PTPN13: variants seen among roughly 807,000 people sequenced by gnomAD.
PTPN13 encodes protein tyrosine phosphatase non-receptor type 13, also known as tyrosine-protein phosphatase non-receptor type 13.
Under a neutral mutation model 284.0 loss-of-function variants are expected in PTPN13, and 191 were observed. The ratio of observed to expected loss-of-function variants is 0.67; its 90% confidence interval spans 0.60 to 0.76. The LOEUF is 0.76. Among genes scored for constraint, PTPN13 ranks in the 30% least tolerant of loss-of-function variants. PTPN13 has a pLI of 0.00. For missense variants in PTPN13, 2,797 were observed against 2,939.9 expected, an observed-to-expected ratio of 0.95 and a Z score of 1.12; for synonymous variants, 986 against 1,022.3, an observed-to-expected ratio of 0.96 and a Z score of 0.68.
At chr4:86,720,647 C>T (rs1733551115) in intron 9 of PTPN13, among the ~76,000 whole-genome samples, 1 of 152,144 alleles carries the variant, frequency 6.6e-6, no homozygotes, top group Admixed American at 6.5e-5. Flanking sequence ...GATAATATCC[C>T]TAACATGCTG....
intron 2 of PTPN13, among the ~76,000 whole-genome samples, chr4:86,636,393 ATT>A (rs200526691): frequency 0.15 from 23,434 of 152,058 alleles, 2,269 homozygotes; most frequent in East Asian, 0.29. Flanking sequence ...GTTGTTTGCC[ATT>A]CATAGCACCT....
intron 2 of PTPN13, among the ~76,000 whole-genome samples, chr4:86,641,258 G>A (rs1723747864): frequency 6.6e-6 from 1 of 152,070 alleles, no homozygotes; most frequent in Admixed American, 6.5e-5. Flanking sequence ...GTGGCGGGGG[G>A]AAAATAGCAG....
intron 1 of PTPN13, among the ~76,000 whole-genome samples, chr4:86,624,944 A>G (rs185311585): frequency 1.7e-4 from 26 of 152,290 alleles, no homozygotes; most frequent in Admixed American, 5.2e-4. Context: ...CTTTGAGGGT[A>G]TATATAAGCA....
chr4:86,663,639 T>G lies in PTPN13; in HGVS notation c.116-8726T>G, dbSNP rs142157400. Reference sequence around the variant, plus strand: ...GCATGTTCTGAACCCCATCAGTGGATAAGGCAATTTATTTCTAAATGTCAG... The same window carrying G: ...GCATGTTCTGAACCCCATCAGTGGAGAAGGCAATTTATTTCTAAATGTCAG... On this transcript the variant is annotated intron_variant, in intron 2 of 47. Transcript: ENST00000411767. Among the ~76,000 whole-genome samples the G allele has an allele frequency of 5.2e-3, 794 of 152,330 alleles. 6 individuals carry two copies. The highest frequency in any genetic ancestry group is 0.018 in the African/African-American group (757 of 41,574).
intron 2 of PTPN13, among the ~76,000 whole-genome samples, chr4:86,648,772 A>G (rs1724735871): frequency 6.6e-6 from 1 of 152,150 alleles, no homozygotes; most frequent in Non-Finnish European, 1.5e-5. Context: ...ATCATATGGT[A>G]GTTCCATTTT....
In PTPN13 at chr4:86,730,782, G is replaced by A. The variant is rs377084874; in HGVS notation, c.1609-1618G>A. 5.3e-5 allele frequency among the ~76,000 whole-genome samples: 8 copies of A among 151,570 alleles called. 1 individual carries two copies. The highest frequency in any genetic ancestry group is 2.1e-4 in the South Asian group (1 of 4,806). ...TCCTGGGTGAGGTGATGCCCCGTCC[G>A]GCTTCAGCTCATCCTCCGATTGCTG... is the stretch of plus-strand genomic sequence containing the variant. On this transcript the variant is annotated intron_variant, in intron 10 of 47. Transcript: ENST00000411767.
intron 7 of PTPN13, among the ~76,000 whole-genome samples, chr4:86,708,804 C>T (rs1397157766): frequency 6.6e-6 from 1 of 152,024 alleles, no homozygotes; most frequent in Non-Finnish European, 1.5e-5. Context: ...TGTTCCATCA[C>T]CTGAACAGGA....
intron 9 of PTPN13, among the ~76,000 whole-genome samples, chr4:86,719,342 G>T (rs1018830717): frequency 1.3e-5 from 2 of 152,112 alleles, no homozygotes; most frequent in Admixed American, 6.5e-5. Context: ...GTATTCCATT[G>T]TGTATATGTA....
chr4:86,762,421 T>C (rs1738805372), intron 23 of PTPN13, among the ~76,000 whole-genome samples: 2 of 152,240 alleles, frequency 1.3e-5, no homozygotes, highest in South Asian at 4.1e-4. Context: ...ACAAAGAATG[T>C]GGGACACTAA....
intron 17 of PTPN13, among the ~76,000 whole-genome samples, chr4:86,749,081 T>A (rs1737108086): frequency 6.6e-6 from 1 of 152,246 alleles, no homozygotes; most frequent in Admixed American, 6.5e-5. Context: ...CAATGAGGCA[T>A]GTTTCTTTAA....
chr4:86,598,285 C>T (rs1763999807), intron 1 of PTPN13, among the ~76,000 whole-genome samples: 5 of 152,104 alleles, frequency 3.3e-5, no homozygotes, highest in Admixed American at 1.3e-4. Flanking sequence ...GCTGGGATTA[C>T]AGGCGTGTGC....
chr4:86,772,592 T>G (rs773419786), intron 31 of PTPN13, among the ~76,000 whole-genome samples, 186 bp from the exon 32 acceptor site: 5 of 152,060 alleles, frequency 3.3e-5, no homozygotes, highest in Non-Finnish European at 7.4e-5. Flanking sequence ...GAGAATAAAT[T>G]ATTGTTAATT....
At chr4:86,810,970 C>A in intron 46 of PTPN13, 76 bp from the exon 47 acceptor site, 1 of 1,400,202 alleles carries the variant, frequency 7.1e-7, no homozygotes, top group Non-Finnish European at 1.0e-6. Flanking sequence ...TTACATAAGC[C>A]TCCCCTCTGT....
rs201951317 is a variant in PTPN13, at chr4:86,701,744, C to T, written c.1138C>T (p.Arg380Ter). 8.1e-6 allele frequency: 13 copies of T among 1,613,522 alleles called. No individual in the cohort carries two copies. Among genetic ancestry groups the T allele is most frequent in the East Asian group, 2.2e-5 (1 of 44,900 alleles). ...TSSAISSALD[R>*]IRERQKKLQV... ...CTCAGCAATATCAAGTGCTTTGGAC[C>T]GAATCCGAGAGAGACAAAAGAAACT... is the stretch of plus-strand genomic sequence containing the variant. Residue 380 changes from arginine to a stop codon, truncating the protein, a stop_gained, in exon 7 of 48, where the codon CGA (arginine) becomes TGA (stop). Transcript: ENST00000411767. LOFTEE classifies it high-confidence loss of function.
At chr4:86,702,055 T>C (rs931442675) in intron 7 of PTPN13, among the ~76,000 whole-genome samples, 1 of 152,182 alleles carries the variant, frequency 6.6e-6, no homozygotes, top group Non-Finnish European at 1.5e-5. Flanking sequence ...TTTGGGATAG[T>C]ATATTTTTAG....
chr4:86,638,760 A>G (rs909336439), intron 2 of PTPN13, among the ~76,000 whole-genome samples: 2 of 152,190 alleles, frequency 1.3e-5, no homozygotes, highest in Non-Finnish European at 2.9e-5. Flanking sequence ...CATTCAGGAC[A>G]TAGGCATGGG....
chr4:86,630,578 A>G (rs1565184281), intron 1 of PTPN13, among the ~76,000 whole-genome samples: 1 of 152,098 alleles, frequency 6.6e-6, no homozygotes, highest in Non-Finnish European at 1.5e-5. Flanking sequence ...AGATGCTTAC[A>G]ATTTTGGGGT....
chr4:86,734,542 C>A, intron 13 of PTPN13, 86 bp downstream of exon 13: 1 of 1,309,554 alleles, frequency 7.6e-7, no homozygotes, highest in Non-Finnish European at 1.0e-6. Context: ...TACTTGATTC[C>A]AATCAATGAT....
chr4:86,704,981 T>C (rs893678090), intron 7 of PTPN13, among the ~76,000 whole-genome samples: 1 of 152,196 alleles, frequency 6.6e-6, no homozygotes, highest in African/African-American at 2.4e-5. Context: ...TTCTTACTAG[T>C]TATTTAGTTG....
Sources: allele counts gnomAD v4.1 joint callset (sites outside exome capture counted in the v4.1 genomes callset), GRCh38; gene constraint gnomAD v4.1.1; transcripts MANE v1.5; gene names NCBI Gene and HGNC (gene_info 2026-07-23, HGNC 2026-07-21).